ADAMTS9: variants seen among roughly 807,000 people sequenced by gnomAD.
ADAMTS9 encodes the protein A disintegrin and metalloproteinase with thrombospondin motifs 9.
Under a neutral mutation model 257.1 loss-of-function variants are expected in ADAMTS9, and 107 were observed. The ratio of observed to expected loss-of-function variants is 0.42; its 90% CI spans 0.36 to 0.49. The LOEUF (loss-of-function observed/expected upper bound fraction) is 0.49. ADAMTS9 is among the 20% of genes least tolerant of loss of function. The probability of loss-of-function intolerance (pLI) is 0.03; values close to 1 mark genes in which losing one functional copy is unlikely to be tolerated. For synonymous variants in ADAMTS9, 982 were observed against 880.9 expected, an observed-to-expected ratio of 1.11 and a Z score of -2.03; for missense variants, 2,353 against 2,469.1, an observed-to-expected ratio of 0.95 and a Z score of 1.00.
At chr3:64,640,986 T>G (rs2106919189) in intron 12 of ADAMTS9, among the ~76,000 whole-genome samples, 1 of 152,216 alleles carries the variant, frequency 6.6e-6, no homozygotes, top group South Asian at 2.1e-4. Flanking sequence ...TCCCAATCTG[T>G]AAAATGTCAG....
intron 14 of ADAMTS9, among the ~76,000 whole-genome samples, chr3:64,632,208 G>A (rs1257903721): frequency 6.6e-6 from 1 of 152,074 alleles, no homozygotes; most frequent in African/African-American, 2.4e-5. Flanking sequence ...TTCCTCAGGT[G>A]CTTCATCTAC....
rs2083268328 is a variant in ADAMTS9, at chr3:64,551,284, A to T, written c.4699-222T>A. On this transcript the variant is annotated intron_variant, in intron 30 of 39. Transcript: ENST00000498707. ...GAGTGCAGTGGCACGATCTTGGCTCACTGCAAGCTCTGCCTTCCGGGTTCA... is the reference window on the plus strand; with the variant it reads ...GAGTGCAGTGGCACGATCTTGGCTCTCTGCAAGCTCTGCCTTCCGGGTTCA... 2.0e-5 allele frequency among the ~76,000 whole-genome samples: 3 copies of T among 152,076 alleles called. No individual in the cohort carries two copies. In the South Asian group the frequency reaches 6.2e-4, roughly 32 times the overall value.
intron 11 of ADAMTS9, among the ~76,000 whole-genome samples, chr3:64,646,341 G>C (rs892926806): frequency 5.9e-5 from 9 of 152,320 alleles, no homozygotes; most frequent in Middle Eastern, 6.8e-3. Flanking sequence ...GATTTTGTAA[G>C]AATGAGTGTC....
chr3:64,552,392 C>A (rs923626924), intron 30 of ADAMTS9, among the ~76,000 whole-genome samples: 1 of 152,116 alleles, frequency 6.6e-6, no homozygotes, highest in African/African-American at 2.4e-5. Context: ...GTATCTAAAG[C>A]CTCTGTGTCA....
chr3:64,520,697 GA>G lies in ADAMTS9; in HGVS notation c.*5+1468del, dbSNP rs1205173673. Among the ~76,000 whole-genome samples the G allele has an allele frequency of 3.9e-5, 6 of 151,970 alleles. No homozygotes were observed. In the East Asian group the frequency reaches 9.7e-4, roughly 24 times the overall value. On this transcript the variant is annotated intron_variant, in intron 39 of 39. Coordinates refer to ENST00000498707, the MANE Select transcript of ADAMTS9 (RefSeq NM_182920.2). Reference sequence around the variant, plus strand: ...ACAATCAACAAAAATAAACAATGGGGAAAGCACACCCTATAATAAATGGTGC... The same window carrying G: ...ACAATCAACAAAAATAAACAATGGGGAAGCACACCCTATAATAAATGGTGC...
intron 16 of ADAMTS9, among the ~76,000 whole-genome samples, chr3:64,625,010 GC>G (rs1035816396): frequency 6.6e-6 from 1 of 151,984 alleles, no homozygotes; most frequent in East Asian, 1.9e-4. Flanking sequence ...CTAGAGAAAG[GC>G]CCCCCCTTAC....
At chr3:64,628,546 C>G (rs893109212) in intron 16 of ADAMTS9, among the ~76,000 whole-genome samples, 1 of 152,084 alleles carries the variant, frequency 6.6e-6, no homozygotes, top group Admixed American at 6.5e-5. Flanking sequence ...AAATACTTGC[C>G]CCATTCTGCA....
Position 64,516,400 on chromosome 3 carries a change from C to T in ADAMTS9, c.*727G>A, listed in dbSNP as rs1488151263. ...AAGTCTAAGTCTCTTCCAAAAAAGG[C>T]ATATCCAAAAATAAGGGTAAAGAGC... is the stretch of plus-strand genomic sequence containing the variant. On this transcript the variant is annotated 3_prime_UTR_variant, in exon 40 of 40. Coordinates refer to ENST00000498707, the MANE Select transcript of ADAMTS9 (RefSeq NM_182920.2). The T allele has an allele frequency of 6.6e-6, 1 of 152,532 alleles. No homozygotes were observed. Among genetic ancestry groups the T allele is most frequent in the Non-Finnish European group, 1.5e-5 (1 of 68,014 alleles). The allele number at this position is 152,532 out of a possible 1,614,324, so 9.4% of individuals were successfully genotyped here.
At chr3:64,537,410 A>G (rs1332490930) in intron 37 of ADAMTS9, among the ~76,000 whole-genome samples, 1 of 152,174 alleles carries the variant, frequency 6.6e-6, no homozygotes, top group African/African-American at 2.4e-5. Context: ...GGGGTTTTTG[A>G]AGCCATCAAT....
In ADAMTS9 at chr3:64,648,030, C is replaced by G; in HGVS notation, c.1620G>C (p.Arg540=). The G allele has an allele frequency of 6.2e-7, 1 of 1,612,288 alleles. No individual in the cohort carries two copies. Among genetic ancestry groups the G allele is most frequent in the Non-Finnish European group, 8.5e-7 (1 of 1,179,778 alleles). ...CTCCATTGACGTTATTGCACCAGAG[C>G]CGTCTGCACTGCATCTGCTCAATTC... is the stretch of plus-strand genomic sequence containing the variant. ...QVCPYMMQCR[R]LWCNNVNGVH... is the part of the protein sequence containing the mutation. The change falls in exon 11 of 40, where the codon CGG becomes CGC. Residue 540 remains arginine (R), a synonymous_variant. Transcript: ENST00000498707.
chr3:64,668,636 G>A (rs1286050006), intron 3 of ADAMTS9, among the ~76,000 whole-genome samples: 1 of 152,148 alleles, frequency 6.6e-6, no homozygotes, highest in Non-Finnish European at 1.5e-5. Flanking sequence ...GTCGGAACAG[G>A]GCCTGGTGGG....
intron 38 of ADAMTS9, among the ~76,000 whole-genome samples, chr3:64,525,728 A>T (rs1284839840): frequency 6.6e-6 from 1 of 151,904 alleles, no homozygotes; most frequent in Non-Finnish European, 1.5e-5. Context: ...CTCCTGACTC[A>T]GCCTCCTGAG....
chr3:64,529,431 T>TC (rs2082949962), intron 38 of ADAMTS9, among the ~76,000 whole-genome samples: 1 of 151,968 alleles, frequency 6.6e-6, no homozygotes, highest in Admixed American at 6.6e-5. Flanking sequence ...TTTTTTTTTT[T>TC]CCCTTCTGTA....
chr3:64,612,605 G>A (rs929377274), intron 22 of ADAMTS9, among the ~76,000 whole-genome samples: 1 of 152,098 alleles, frequency 6.6e-6, no homozygotes, highest in South Asian at 2.1e-4. Context: ...GTGAAGGGAG[G>A]GTCATTCTTC....
At chr3:64,537,618 G>C (rs1485027235) in intron 37 of ADAMTS9, among the ~76,000 whole-genome samples, 1 of 152,308 alleles carries the variant, frequency 6.6e-6, no homozygotes, top group East Asian at 1.9e-4. Flanking sequence ...AGATGTGTTT[G>C]TCTTCGGACG....
At chr3:64,595,726 T>C (rs1448762845) in intron 27 of ADAMTS9, among the ~76,000 whole-genome samples, 1 of 152,182 alleles carries the variant, frequency 6.6e-6, no homozygotes, top group East Asian at 1.9e-4. Context: ...GCTGAAACCA[T>C]GAAATGTGGA....
rs1162797805 is a variant in ADAMTS9, at chr3:64,614,453, T to C, written c.3189+868A>G. Among the ~76,000 whole-genome samples, 10 of 152,220 alleles carry C rather than the reference T, an allele frequency of 6.6e-5. No homozygotes were observed. In the South Asian group the frequency reaches 2.1e-3, roughly 31 times the overall value. On this transcript the variant is annotated intron_variant, in intron 21 of 39. Transcript: ENST00000498707. ...TTTCAGATTTATTTGATGGTGAAAA[T>C]AAGCAGTTAATACTGCACTTATAAG... is the stretch of plus-strand genomic sequence containing the variant.
At chr3:64,632,073 T>C (rs936333646) in intron 14 of ADAMTS9, 148 bp from the exon 15 acceptor site, 2 of 655,052 alleles carry the variant, frequency 3.1e-6, no homozygotes, top group African/African-American at 1.8e-5. Context: ...TGAAATTATA[T>C]ACTGCCTTGC....
intron 38 of ADAMTS9, among the ~76,000 whole-genome samples, chr3:64,524,165 T>C (rs999971346): frequency 6.6e-6 from 1 of 152,246 alleles, no homozygotes; most frequent in Admixed American, 6.5e-5. Context: ...GAGCTTAAAC[T>C]GCAGTTCCAG....
Sources: allele counts gnomAD v4.1 joint callset (sites outside exome capture counted in the v4.1 genomes callset), GRCh38; gene constraint gnomAD v4.1.1; transcripts MANE v1.5; gene names NCBI Gene and HGNC (gene_info 2026-07-23, HGNC 2026-07-21).